Variants in SCHIP1 observed in about 807,000 individuals in gnomAD.
The protein encoded by SCHIP1 is schwannomin interacting protein 1.
A neutral mutation model predicts 29.7 loss-of-function variants in SCHIP1; 8 were observed. That is an observed-to-expected ratio of 0.27 (90% CI 0.16 to 0.49). The LOEUF (loss-of-function observed/expected upper bound fraction) is 0.49, where lower values mean the gene tolerates loss of function less well. SCHIP1 is among the 20% of genes least tolerant of loss of function. The probability of loss-of-function intolerance (pLI) is 0.99; values close to 1 mark genes in which losing one functional copy is unlikely to be tolerated. For missense variants in SCHIP1, 193 were observed against 294.6 expected, an observed-to-expected ratio of 0.66 and a Z score of 2.52; for synonymous variants, 76 against 94.9, an observed-to-expected ratio of 0.80 and a Z score of 1.16.
chr3:159,570,376 T>C, the SCHIP1 span, among the ~76,000 whole-genome samples: 14 of 152,216 alleles, frequency 9.2e-5, no homozygotes, highest in African/African-American at 2.7e-4. Flanking sequence ...TAGCCAGTTT[T>C]CCCAGCACCA....
the SCHIP1 span, chr3:159,273,734 C>T: frequency 6.4e-7 from 1 of 1,566,386 alleles, no homozygotes; most frequent in Non-Finnish European, 8.7e-7. Flanking sequence ...CTAGCTAACC[C>T]AGGTGACCCT....
the SCHIP1 span, among the ~76,000 whole-genome samples, chr3:159,743,918 ATAAC>A: frequency 3.3e-5 from 5 of 152,224 alleles, no homozygotes; most frequent in African/African-American, 9.6e-5. Context: ...AATTTAAAAA[ATAAC>A]TAGTTAAATG....
At chr3:159,717,981 A>G in the SCHIP1 span, among the ~76,000 whole-genome samples, 4 of 152,368 alleles carry the variant, frequency 2.6e-5, no homozygotes, top group Middle Eastern at 6.8e-3. Flanking sequence ...AAAATCCTCA[A>G]TAAAATACTG....
intron 4 of SCHIP1, 71 bp downstream of exon 5, chr3:159,887,976 TC>T: frequency 4.5e-6 from 7 of 1,568,082 alleles, no homozygotes; most frequent in Non-Finnish European, 6.1e-6. Context: ...CCCAGTCCTT[TC>T]CCAGAATTAT....
chr3:159,288,949 G>T, the SCHIP1 span, among the ~76,000 whole-genome samples: 1 of 152,116 alleles, frequency 6.6e-6, no homozygotes, highest in Non-Finnish European at 1.5e-5. Flanking sequence ...CCCTATGTAA[G>T]TCAATACTGA....
intron 2 of SCHIP1, among the ~76,000 whole-genome samples, chr3:159,884,618 G>A (rs536922150): frequency 4.9e-4 from 74 of 152,150 alleles, no homozygotes; most frequent in Admixed American, 3.8e-3. Flanking sequence ...AGAATGGAGA[G>A]CAACTCACAT....
At chr3:159,352,438 G>A in the SCHIP1 span, among the ~76,000 whole-genome samples, 9 of 152,082 alleles carry the variant, frequency 5.9e-5, no homozygotes, top group South Asian at 2.1e-4. Context: ...GAAATCTTGC[G>A]TATCCGTTAC....
At chr3:159,520,906 TA>T in the SCHIP1 span, among the ~76,000 whole-genome samples, 2 of 152,266 alleles carry the variant, frequency 1.3e-5, no homozygotes, top group African/African-American at 4.8e-5. Context: ...TTTCAATATT[TA>T]CTACCATGGG....
At chr3:159,829,910 G>A in the SCHIP1 span, among the ~76,000 whole-genome samples, 89 of 152,280 alleles carry the variant, frequency 5.8e-4, no homozygotes, top group African/African-American at 2.0e-3. Context: ...ATGACCTATT[G>A]TAAGTTTGGG....
chr3:159,398,924 C>A, the SCHIP1 span: 4 of 979,868 alleles, frequency 4.1e-6, no homozygotes, highest in Admixed American at 2.5e-4. Context: ...CTATACAGAA[C>A]TTAAATTTGT....
At chr3:159,888,111 T>A in intron 4 of SCHIP1, 1 of 689,790 alleles carries the variant, frequency 1.4e-6, no homozygotes, top group Non-Finnish European at 2.4e-6. Flanking sequence ...TTCACAAAAG[T>A]AAAGTTTGCT....
At chr3:159,703,980 A>C in the SCHIP1 span, among the ~76,000 whole-genome samples, 1 of 152,220 alleles carries the variant, frequency 6.6e-6, no homozygotes, top group Non-Finnish European at 1.5e-5. Flanking sequence ...CCTTGTCTGC[A>C]TCAAATAACC....
chr3:159,811,252 A>G, the SCHIP1 span, among the ~76,000 whole-genome samples: 2 of 152,020 alleles, frequency 1.3e-5, no homozygotes, highest in Non-Finnish European at 2.9e-5. Context: ...CTTGCTTTTC[A>G]TTTTCTTACT....
At chr3:159,464,555 T>C in the SCHIP1 span, among the ~76,000 whole-genome samples, 6 of 152,042 alleles carry the variant, frequency 3.9e-5, no homozygotes, top group Non-Finnish European at 5.9e-5. Context: ...TAAGACCATA[T>C]TAAAAGCATT....
At chr3:159,668,587 A>G in the SCHIP1 span, among the ~76,000 whole-genome samples, 1,052 of 152,204 alleles carry the variant, frequency 6.9e-3, 13 homozygotes, top group African/African-American at 0.024. Context: ...GTTCTTAACA[A>G]TAGAGTCAAG....
the SCHIP1 span, among the ~76,000 whole-genome samples, chr3:159,279,212 C>A: frequency 6.6e-6 from 1 of 152,212 alleles, no homozygotes; most frequent in East Asian, 1.9e-4. Flanking sequence ...CTGTGCTGTT[C>A]TCATGATAGT....
At chr3:159,584,833 G>C in the SCHIP1 span, among the ~76,000 whole-genome samples, 1 of 151,866 alleles carries the variant, frequency 6.6e-6, no homozygotes, top group East Asian at 1.9e-4. Flanking sequence ...GGCTTTCCTA[G>C]GTAGTTTGCT....
the SCHIP1 span, among the ~76,000 whole-genome samples, chr3:159,337,291 C>G: frequency 1.3e-5 from 2 of 152,084 alleles, no homozygotes; most frequent in Non-Finnish European, 2.9e-5. Flanking sequence ...TGGCACAAGA[C>G]AGGGATGCCC....
chr3:159,672,681 C>T, the SCHIP1 span, among the ~76,000 whole-genome samples: 1 of 152,174 alleles, frequency 6.6e-6, no homozygotes, highest in African/African-American at 2.4e-5. Context: ...AAACAACAAC[C>T]ATTTAATCCC....
Sources: gnomAD v4.1 joint callset for allele counts (sites outside exome capture counted in the v4.1 genomes callset) on GRCh38, gnomAD v4.1.1 for gene constraint, MANE v1.5 for transcripts, NCBI Gene and HGNC (gene_info 2026-07-23, HGNC 2026-07-21) for gene names.